Variants in PLCH2 observed in about 807,000 individuals in gnomAD.
PLCH2 encodes 1-phosphatidylinositol 4,5-bisphosphate phosphodiesterase eta-2.
A neutral mutation model predicts 134.7 loss-of-function variants in PLCH2; 98 were observed. That is an observed-to-expected ratio of 0.73 (90% CI 0.62 to 0.86). The LOEUF (loss-of-function observed/expected upper bound fraction) is 0.86, where lower values mean the gene tolerates loss of function less well. Among genes scored for constraint, PLCH2 ranks in the 40% least tolerant of loss-of-function variants. The probability of loss-of-function intolerance (pLI) is 0.00; values close to 1 mark genes in which losing one functional copy is unlikely to be tolerated. For missense variants in PLCH2, 1,994 were observed against 1,986.6 expected, an observed-to-expected ratio of 1.00 and a Z score of -0.07; for synonymous variants, 974 against 827.5, an observed-to-expected ratio of 1.18 and a Z score of -3.04.
In PLCH2 at chr1:2,503,902, ACTCCCCCAC is replaced by A; in HGVS notation, c.2960-13_2960-5del. ...CTGCTTCTCCCTCTGGCTCTCTCTC[ACTCCCCCAC>A]CTCCCCACAGACACCCGCCCCCTCT... On this transcript the variant is annotated splice_polypyrimidine_tract_variant and intron_variant, in intron 21 of 21. Transcript: ENST00000378486. The A allele has an allele frequency of 4.4e-6, 3 of 683,912 alleles. No homozygotes were observed. The highest frequency in any genetic ancestry group is 7.8e-6 in the Non-Finnish European group (3 of 385,050). The allele number at this position is 683,912 out of a possible 1,614,324, so 42.4% of individuals were successfully genotyped here.
intron 19 of PLCH2, among the ~76,000 whole-genome samples, 164 bp from the exon 20 acceptor site, chr1:2,499,477 G>A (rs924346532): frequency 1.3e-5 from 2 of 152,014 alleles, no homozygotes; most frequent in Admixed American, 6.5e-5. Context: ...TGGGCTTCCT[G>A]GAGGAGGTGG....
rs894948333 is a variant in PLCH2, at chr1:2,502,670, G to T, written c.2959+261G>T. Reference sequence around the variant, plus strand: ...CCCCTGCTGTGGCCTGGACCCTCACGCTATCCCGGGGAGAAGCAGAGAGGC... The same window carrying T: ...CCCCTGCTGTGGCCTGGACCCTCACTCTATCCCGGGGAGAAGCAGAGAGGC... On this transcript the variant is annotated intron_variant, in intron 21 of 21. Coordinates refer to ENST00000378486, the MANE Select transcript of PLCH2 (RefSeq NM_014638.4). 5.8e-6 allele frequency: 4 copies of T among 694,434 alleles called. No homozygotes were observed. In the African/African-American group the frequency reaches 7.1e-5, roughly 12 times the overall value. 43.0% of individuals were successfully genotyped at this position (694,434 alleles called of 1,614,324 possible). A position where few individuals can be genotyped will look rare whatever the true frequency, so the allele number is the denominator to read the frequency against.
In PLCH2 at chr1:2,480,218, A is replaced by C; in HGVS notation, c.551A>C (p.Asn184Thr). The C allele has an allele frequency of 1.9e-6, 3 of 1,612,866 alleles. No individual in the cohort carries two copies. The South Asian group carries it at 3.3e-5, about 18-fold the overall frequency. ...CAGACGTTTGACGAGGCCGACAAGA[A>C]CGGGGATGGCAGCCTGAGCATTGGC... ...LKQTFDEADK[N>T]GDGSLSIGEV... Residue 184 changes from asparagine to threonine, a missense_variant, in exon 4 of 22, where the codon AAC (asparagine) becomes ACC (threonine). By Grantham distance (65) the Asn-to-Thr change is moderately conservative (BLOSUM62 0). Around this residue, in one of 2 missense-constraint regions of PLCH2, gnomAD observed 1,094 missense variants for 1,234.3 expected, o/e 0.89. Transcript: ENST00000378486.
chr1:2,503,250 C>T (rs979025041), intron 21 of PLCH2: 1 of 560,414 alleles, frequency 1.8e-6, no homozygotes. Flanking sequence ...AACTCACCTC[C>T]TGGGCGGCTG....
chr1:2,428,037 T>C (rs1638884501), intron 1 of PLCH2, among the ~76,000 whole-genome samples: 1 of 152,172 alleles, frequency 6.6e-6, no homozygotes, highest in South Asian at 2.1e-4. Context: ...CCCTGGGCAC[T>C]CGGCCCGGAG....
At chr1:2,447,163 G>A (rs1639980523) in intron 2 of PLCH2, among the ~76,000 whole-genome samples, 1 of 152,218 alleles carries the variant, frequency 6.6e-6, no homozygotes, top group Non-Finnish European at 1.5e-5. Context: ...ATCAGACTCT[G>A]TGCGTGAGGC....
At chr1:2,486,805 G>A in intron 5 of PLCH2, 102 bp from the exon 6 acceptor site, 1 of 879,612 alleles carries the variant, frequency 1.1e-6, no homozygotes, top group Non-Finnish European at 1.8e-6. Flanking sequence ...CATCCCTGGT[G>A]TAATCAGAGA....
chr1:2,421,841 G>A (rs985648216), upstream of PLCH2, among the ~76,000 whole-genome samples: 1 of 151,630 alleles, frequency 6.6e-6, no homozygotes, highest in Non-Finnish European at 1.5e-5. Flanking sequence ...GGGCGTGGTG[G>A]CGCATGCCTG....
chr1:2,454,917 G>T (rs1319136633), intron 2 of PLCH2, among the ~76,000 whole-genome samples: 3 of 152,160 alleles, frequency 2.0e-5, no homozygotes, highest in Non-Finnish European at 4.4e-5. Flanking sequence ...GTCACCAGTG[G>T]AGTGTGCGTC....
At chr1:2,418,910 C>T in the PLCH2 span, among the ~76,000 whole-genome samples, 3 of 152,206 alleles carry the variant, frequency 2.0e-5, no homozygotes, top group East Asian at 1.9e-4. Flanking sequence ...GAAATGCTGG[C>T]GCAAAACCTG....
In PLCH2 at chr1:2,498,971, G is replaced by T; in HGVS notation, c.2435-113G>T. ...CCCTCCCCTCTAGGTGGGCAGTCCC[G>T]GAAGCAGCACCGGGAGTGGCACTGG... On this transcript the variant is annotated intron_variant, in intron 18 of 21. Coordinates refer to ENST00000378486, the MANE Select transcript of PLCH2 (RefSeq NM_014638.4). This position sits in a 1 kb window ranked among gnomAD's most constrained non-coding sequence, Gnocchi z 5.4. 1 of 1,434,590 alleles carries T rather than the reference G, an allele frequency of 7.0e-7. No homozygotes were observed. Among genetic ancestry groups the T allele is most frequent in the South Asian group, 1.3e-5 (1 of 78,272 alleles). 88.9% of individuals were successfully genotyped at this position (1,434,590 alleles called of 1,614,324 possible). A position where few individuals can be genotyped will look rare whatever the true frequency, so the allele number is the denominator to read the frequency against.
At chr1:2,442,996 C>G (rs1441182978) in intron 2 of PLCH2, among the ~76,000 whole-genome samples, 5 of 152,200 alleles carry the variant, frequency 3.3e-5, no homozygotes, top group African/African-American at 1.2e-4. Context: ...TCCCCAGGGT[C>G]TAGGGCCTGT....
At chr1:2,499,497 G>C in intron 19 of PLCH2, 144 bp from the exon 20 acceptor site, 1 of 721,336 alleles carries the variant, frequency 1.4e-6, no homozygotes, top group Non-Finnish European at 2.4e-6. Context: ...GGGTAGTGCT[G>C]GGCCCACAGG....
chr1:2,501,600 G>A lies in PLCH2; in HGVS notation c.2662-512G>A, dbSNP rs72644651. On this transcript the variant is annotated intron_variant, in intron 20 of 21. Transcript: ENST00000378486. ...ATCACCATGGGAGTGGGCAGGACAC[G>A]GGCCGGGCAAGTGGGCCTCCCGCTG... 1.1e-3 allele frequency: 178 copies of A among 155,252 alleles called. 1 individual carries two copies. Among genetic ancestry groups the A allele is most frequent in the Non-Finnish European group, 2.3e-3 (158 of 70,146 alleles). 9.6% of individuals were successfully genotyped at this position (155,252 alleles called of 1,614,324 possible).
chr1:2,455,892 C>G (rs113316825), intron 2 of PLCH2, among the ~76,000 whole-genome samples: 2 of 152,208 alleles, frequency 1.3e-5, no homozygotes, highest in African/African-American at 4.8e-5. Context: ...GAGCATCCCG[C>G]GGGCGGGCTG....
chr1:2,491,209 G>C lies in PLCH2; in HGVS notation c.1533G>C (p.Lys511Asn), dbSNP rs560658032. 1.2e-6 allele frequency: 2 copies of C among 1,612,792 alleles called. No individual in the cohort carries two copies. Among genetic ancestry groups the C allele is most frequent in the Non-Finnish European group, 1.7e-6 (2 of 1,179,684 alleles). ...LLNGDASTNR[K>N]RVENTAKRKL... ...TCCTGCAGGCATCCACCAATCGAAA[G>C]CGTGTAGAAAACACTGCTAAGAGGA... is the stretch of plus-strand genomic sequence containing the variant. Residue 511 changes from lysine to asparagine, a missense_variant, in exon 11 of 22, where the codon AAG becomes AAC. Around this residue, in one of 2 missense-constraint regions of PLCH2, gnomAD observed 1,094 missense variants for 1,234.3 expected, o/e 0.89. Transcript: ENST00000378486.
At chr1:2,456,601 G>C (rs867920232) in intron 2 of PLCH2, among the ~76,000 whole-genome samples, 2 of 152,206 alleles carry the variant, frequency 1.3e-5, no homozygotes, top group Non-Finnish European at 2.9e-5. Context: ...CTTGGGGTTG[G>C]GGGACATGGG....
rs1249619650 is a variant in PLCH2 at position 2,483,984 on chromosome 1, TG to T, written c.646-457del. Among the ~76,000 whole-genome samples, 3 of 63,794 alleles carry T rather than the reference TG, an allele frequency of 4.7e-5. 1 individual carries two copies. Among genetic ancestry groups the T allele is most frequent in the African/African-American group, 1.5e-4 (2 of 13,656 alleles). 41.9% of individuals were successfully genotyped at this position (63,794 alleles called of 152,430 possible). ...GTGTGGGGGGGCGCTGACTCCCGTG[TG>T]GGGGGGCGCTGACTCCCGTGTGGGG... On this transcript the variant is annotated intron_variant, in intron 4 of 21. Transcript: ENST00000378486.
At chr1:2,453,877 G>A (rs1640360610) in intron 2 of PLCH2, among the ~76,000 whole-genome samples, 1 of 152,184 alleles carries the variant, frequency 6.6e-6, no homozygotes, top group African/African-American at 2.4e-5. Flanking sequence ...GGTGGCGGGG[G>A]CTGCTGGAGG....
Sources: gnomAD v4.1 joint callset for allele counts (sites outside exome capture counted in the v4.1 genomes callset) on GRCh38, gnomAD v4.1.1 for gene constraint, gnomAD v4.1.1 regional missense constraint, Gnocchi (gnomAD v3.1) non-coding constraint, MANE v1.5 for transcripts, NCBI Gene and HGNC (gene_info 2026-07-23, HGNC 2026-07-21) for gene names.